The following ANXA8 variants were observed in gnomAD, a reference collection of about 807,000 sequenced individuals.
ANXA8 encodes the protein annexin A8, also known as VAC-beta.
ANXA8 carries 9 observed loss-of-function variants against 26.8 expected under a neutral mutation model. That is an observed-to-expected ratio of 0.34 (90% CI 0.20 to 0.59). The LOEUF (loss-of-function observed/expected upper bound fraction) is 0.59, where lower values mean the gene tolerates loss of function less well. Among genes scored for constraint, ANXA8 ranks in the 20% least tolerant of loss-of-function variants. The pLI, the probability that ANXA8 is intolerant of heterozygous loss-of-function variation, is 0.84. For missense variants in ANXA8, 83 were observed against 238.5 expected, an observed-to-expected ratio of 0.35 and a Z score of 4.29; for synonymous variants, 39 against 94.8, an observed-to-expected ratio of 0.41 and a Z score of 3.42.
At chr10:47,949,423 A>G in the ANXA8 span, among the ~76,000 whole-genome samples, 6 of 149,664 alleles carry the variant, frequency 4.0e-5, no homozygotes, top group Non-Finnish European at 7.4e-5. Flanking sequence ...AATAAGACTC[A>G]CCAGGTGTTT....
chr10:47,777,183 C>T, the ANXA8 span, among the ~76,000 whole-genome samples: 1 of 151,514 alleles, frequency 6.6e-6, no homozygotes, highest in African/African-American at 2.4e-5. Context: ...CCAGCCTGTC[C>T]CATTGGCCAG....
the ANXA8 span, among the ~76,000 whole-genome samples, chr10:47,696,859 C>G: frequency 1.3e-5 from 2 of 150,860 alleles, no homozygotes; most frequent in African/African-American, 2.4e-5. Context: ...GCTTATAATT[C>G]TAAAGCATTC....
chr10:47,486,108 T>TA (rs1373322520), upstream of ANXA8, among the ~76,000 whole-genome samples: 557 of 144,204 alleles, frequency 3.9e-3, 7 homozygotes, highest in African/African-American at 7.7e-3. Flanking sequence ...ACTCCGTCTT[T>TA]AAAAAAAAAA....
chr10:47,973,348 C>A, the ANXA8 span: 3 of 144,228 alleles, frequency 2.1e-5, no homozygotes, highest in Non-Finnish European at 3.1e-5. Flanking sequence ...CATGGCTGGG[C>A]CCCATTTGTA....
the ANXA8 span, among the ~76,000 whole-genome samples, chr10:47,647,904 A>C: frequency 6.6e-6 from 1 of 151,942 alleles, no homozygotes; most frequent in African/African-American, 2.4e-5. Flanking sequence ...CTGCAAGATG[A>C]AGCTATCACC....
At chr10:47,975,347 G>T in the ANXA8 span, among the ~76,000 whole-genome samples, 3 of 148,856 alleles carry the variant, frequency 2.0e-5, no homozygotes, top group African/African-American at 7.3e-5. Context: ...CACATGACTT[G>T]CTATCTTTGC....
chr10:47,937,193 A>T, the ANXA8 span, among the ~76,000 whole-genome samples: 33 of 149,536 alleles, frequency 2.2e-4, no homozygotes, highest in African/African-American at 7.0e-4. Context: ...TCCAAGCCCC[A>T]CACTTGTCCG....
chr10:47,658,811 G>A, the ANXA8 span, among the ~76,000 whole-genome samples: 1 of 142,402 alleles, frequency 7.0e-6, no homozygotes. Context: ...TCCCAAGGCT[G>A]CTGTAACAGT....
chr10:47,644,230 A>G, the ANXA8 span, among the ~76,000 whole-genome samples: 1 of 148,488 alleles, frequency 6.7e-6, no homozygotes, highest in Non-Finnish European at 1.5e-5. Context: ...AGAAAAACAT[A>G]GCTCTCATTA....
the ANXA8 span, among the ~76,000 whole-genome samples, chr10:47,951,004 GA>G: frequency 4.8e-4 from 73 of 150,644 alleles, no homozygotes; most frequent in Non-Finnish European, 8.0e-4. Context: ...GAATAATAAA[GA>G]AAGTCAATAA....
chr10:47,580,737 G>A, the ANXA8 span, among the ~76,000 whole-genome samples: 7 of 134,814 alleles, frequency 5.2e-5, no homozygotes, highest in Admixed American at 1.5e-4. Flanking sequence ...AGCAGGACCT[G>A]TCTCAAAAAA....
chr10:47,733,203 TTCTTTCTTTC>T, the ANXA8 span, among the ~76,000 whole-genome samples: 119 of 107,782 alleles, frequency 1.1e-3, 1 homozygote, highest in Non-Finnish European at 1.9e-3. Flanking sequence ...CTTTCTTTCT[TTCTTTCTTTC>T]TTTCTTTCTC....
chr10:47,674,701 G>A, the ANXA8 span, among the ~76,000 whole-genome samples: 2 of 151,728 alleles, frequency 1.3e-5, no homozygotes, highest in East Asian at 1.9e-4. Context: ...TGGAAGATTT[G>A]TCTCTTCTTC....
chr10:47,489,013 C>CCATGTT (rs1840098859), upstream of ANXA8, among the ~76,000 whole-genome samples: 1 of 146,244 alleles, frequency 6.8e-6, no homozygotes. Flanking sequence ...CCGCCCCCAG[C>CCATGTT]AATTATTTTT....
the ANXA8 span, among the ~76,000 whole-genome samples, chr10:47,594,251 A>C: frequency 6.7e-6 from 1 of 149,940 alleles, no homozygotes; most frequent in African/African-American, 2.5e-5. Flanking sequence ...GTACCTATAG[A>C]GAACTCTGAC....
chr10:47,953,276 T>C, the ANXA8 span, among the ~76,000 whole-genome samples: 3 of 148,600 alleles, frequency 2.0e-5, no homozygotes, highest in Non-Finnish European at 3.0e-5. Flanking sequence ...AACAACTTTA[T>C]CAAAATGGGC....
At chr10:47,952,595 T>G in the ANXA8 span, among the ~76,000 whole-genome samples, 1 of 146,928 alleles carries the variant, frequency 6.8e-6, no homozygotes, top group Admixed American at 6.7e-5. Context: ...ATTGCCAATA[T>G]TGTTAAGAAG....
the ANXA8 span, among the ~76,000 whole-genome samples, chr10:47,956,739 G>C: frequency 6.7e-6 from 1 of 150,316 alleles, no homozygotes; most frequent in African/African-American, 2.5e-5. Flanking sequence ...GCCCTGTCCT[G>C]TGTCCTTCCC....
the ANXA8 span, among the ~76,000 whole-genome samples, chr10:47,511,449 G>A: frequency 3.1e-5 from 4 of 130,924 alleles, no homozygotes; most frequent in South Asian, 5.1e-4. Context: ...AAGTGAGGAA[G>A]CCATAGGTTT....
Sources: allele counts gnomAD v4.1 joint callset (sites outside exome capture counted in the v4.1 genomes callset), GRCh38; gene constraint gnomAD v4.1.1; transcripts MANE v1.5; gene names NCBI Gene and HGNC (gene_info 2026-07-23, HGNC 2026-07-21).